The following DOCK9 variants were observed in gnomAD, a reference collection of about 807,000 sequenced individuals.
DOCK9 encodes dedicator of cytokinesis protein 9.
In DOCK9, 89 loss-of-function variants were observed where a neutral mutation model predicts 263.3. That is an observed-to-expected ratio of 0.34 (90% CI 0.28 to 0.40). DOCK9 has a LOEUF of 0.40. DOCK9 is among the 10% of genes least tolerant of loss of function. The pLI is 1.00. For missense variants in DOCK9, 2,140 were observed against 2,603.4 expected (o/e 0.82, Z 3.87); for synonymous variants, 976 against 973.1 (o/e 1.00, Z -0.06).
intron 2 of DOCK9, among the ~76,000 whole-genome samples, chr13:98,940,558 C>CT (rs1339214377): frequency 6.6e-6 from 1 of 152,168 alleles, no homozygotes; most frequent in Non-Finnish European, 1.5e-5. Flanking sequence ...CTCACTGCAG[C>CT]TAGCTGGGCT....
At chr13:98,824,817 A>G (rs964128564) in intron 44 of DOCK9, among the ~76,000 whole-genome samples, 2 of 152,238 alleles carry the variant, frequency 1.3e-5, no homozygotes, top group Admixed American at 6.5e-5. Context: ...TAAAATAACA[A>G]TAAGTGAAAA....
At chr13:98,835,590 G>A (rs1366275156) in intron 39 of DOCK9, among the ~76,000 whole-genome samples, 27 of 152,124 alleles carry the variant, frequency 1.8e-4, no homozygotes, top group Non-Finnish European at 1.5e-5. Flanking sequence ...CTTTGCCACA[G>A]GACCAGTGAG....
chr13:99,018,223 G>C (rs1885662273), intron 1 of DOCK9, among the ~76,000 whole-genome samples: 1 of 152,212 alleles, frequency 6.6e-6, no homozygotes, highest in Non-Finnish European at 1.5e-5. Context: ...GGACCTTCCA[G>C]TAGTGATTAG....
At chr13:98,814,895 A>G (rs1282902687) in intron 45 of DOCK9, among the ~76,000 whole-genome samples, 1 of 151,740 alleles carries the variant, frequency 6.6e-6, no homozygotes, top group Non-Finnish European at 1.5e-5. Flanking sequence ...CTGAAATCGC[A>G]CCACTGCACT....
chr13:99,000,077 C>G (rs1881976608), intron 1 of DOCK9, among the ~76,000 whole-genome samples: 5 of 152,178 alleles, frequency 3.3e-5, no homozygotes, highest in Admixed American at 3.3e-4. Flanking sequence ...TAATACTCAA[C>G]CTACCTGACC....
chr13:99,046,542 A>G (rs2040443397), intron 1 of DOCK9, among the ~76,000 whole-genome samples: 1 of 152,234 alleles, frequency 6.6e-6, no homozygotes, highest in East Asian at 1.9e-4. Context: ...TCTCGACAGT[A>G]AACACCTCAT....
chr13:99,048,388 A>C (rs889212522), intron 1 of DOCK9, among the ~76,000 whole-genome samples: 1 of 151,934 alleles, frequency 6.6e-6, no homozygotes, highest in Non-Finnish European at 1.5e-5. Flanking sequence ...ATTTGTCCCT[A>C]CTCTAGAAAA....
chr13:98,977,198 G>A (rs1875026449), intron 1 of DOCK9, among the ~76,000 whole-genome samples: 1 of 152,194 alleles, frequency 6.6e-6, no homozygotes, highest in South Asian at 2.1e-4. Context: ...GACAAATGCT[G>A]AGAGTTTAGC....
Position 99,003,155 on chromosome 13 carries a change from A to G in DOCK9, c.130-47604T>C, listed in dbSNP as rs549686005. On this transcript the variant is annotated intron_variant, in intron 1 of 32. Coordinates refer to the DOCK9 transcript ENST00000427887. ...TTGTGCCTAAAAGGATGGTGTGCAC[A>G]TAACATATTTTGTTAAATGTTCCTG... is the stretch of plus-strand genomic sequence containing the variant. Among the ~76,000 whole-genome samples the G allele has an allele frequency of 5.9e-5, 9 of 152,332 alleles. 1 individual carries two copies. The South Asian group carries it at 1.9e-3, about 32-fold the overall frequency.
intron 7 of DOCK9, among the ~76,000 whole-genome samples, chr13:98,916,413 C>G (rs540381365): frequency 1.3e-5 from 2 of 152,306 alleles, no homozygotes; most frequent in South Asian, 4.2e-4. Context: ...GATATGAAAT[C>G]AAACACTCCC....
chr13:98,899,588 G>C (rs1308987180), intron 13 of DOCK9, among the ~76,000 whole-genome samples: 1 of 152,184 alleles, frequency 6.6e-6, no homozygotes, highest in East Asian at 1.9e-4. Context: ...GGGCGACTTA[G>C]TGGGGTCTTA....
intron 38 of DOCK9, among the ~76,000 whole-genome samples, chr13:98,840,308 G>C (rs1453046502): frequency 6.6e-6 from 1 of 152,200 alleles, no homozygotes; most frequent in East Asian, 1.9e-4. Context: ...TTCCACTAGG[G>C]GGCCGTGGTG....
At chr13:98,882,913 T>C (rs1290346224) in intron 23 of DOCK9, 129 bp downstream of exon 23, 6 of 714,050 alleles carry the variant, frequency 8.4e-6, no homozygotes, top group East Asian at 8.1e-5. Context: ...CTAAACCTCA[T>C]AGAAGCTACT....
intron 1 of DOCK9, among the ~76,000 whole-genome samples, chr13:99,051,855 CAAAAAAA>C (rs11392986): frequency 0.29 from 30,505 of 106,306 alleles, 3,531 homozygotes; most frequent in South Asian, 0.44. Context: ...CCACTAGTGG[CAAAAAAA>C]AAAAAAAAAA....
chr13:99,067,293 G>A (rs1170908091), intron 1 of DOCK9, among the ~76,000 whole-genome samples: 1 of 152,130 alleles, frequency 6.6e-6, no homozygotes, highest in Non-Finnish European at 1.5e-5. Flanking sequence ...CAATACTAAG[G>A]TATGAGAGCT....
intron 1 of DOCK9, among the ~76,000 whole-genome samples, chr13:99,012,572 T>A (rs1301528391): frequency 6.6e-6 from 1 of 152,162 alleles, no homozygotes. Context: ...ACAGACATCC[T>A]ACCCAAGCTG....
At chr13:99,086,317 T>C in exon 1 of DOCK9, 1 of 1,475,450 alleles carries the variant, frequency 6.8e-7, no homozygotes, top group Non-Finnish European at 8.9e-7. Flanking sequence ...CTTCCGAGTC[T>C]CCGCCGAGGC....
intron 27 of DOCK9, among the ~76,000 whole-genome samples, 189 bp downstream of exon 27, chr13:98,879,709 C>G (rs1427006114): frequency 6.6e-6 from 1 of 152,190 alleles, no homozygotes; most frequent in African/African-American, 2.4e-5. Flanking sequence ...GTTTCCCCAT[C>G]TATAAAATAG....
At chr13:98,880,929 C>A (rs921793661) in intron 25 of DOCK9, among the ~76,000 whole-genome samples, 7 of 152,030 alleles carry the variant, frequency 4.6e-5, no homozygotes, top group Admixed American at 3.9e-4. Flanking sequence ...GTGCCAGGGG[C>A]TTCAAGGAAT....
Sources: allele counts gnomAD v4.1 joint callset (sites outside exome capture counted in the v4.1 genomes callset), GRCh38; gene constraint gnomAD v4.1.1; transcripts MANE v1.5; gene names NCBI Gene and HGNC (gene_info 2026-07-23, HGNC 2026-07-21).